The following SLC9A9 variants were observed in gnomAD, a reference collection of about 807,000 sequenced individuals.
SLC9A9 encodes the protein solute carrier family 9 member A9.
In SLC9A9, 62 loss-of-function variants were observed where a neutral mutation model predicts 77.8. That is an observed-to-expected ratio of 0.80 (90% CI 0.65 to 0.98). The LOEUF (loss-of-function observed/expected upper bound fraction) is 0.98, where lower values mean the gene tolerates loss of function less well. Ranked by LOEUF, SLC9A9 falls within the 50% of genes least tolerant of loss-of-function variation. The pLI, the probability that SLC9A9 is intolerant of heterozygous loss-of-function variation, is 0.00. For synonymous variants in SLC9A9, 320 were observed against 283.5 expected, an observed-to-expected ratio of 1.13 and a Z score of -1.29; for missense variants, 775 against 774.9, an observed-to-expected ratio of 1.00 and a Z score of 0.00.
In SLC9A9 at chr3:143,363,690, A is replaced by C. The variant is rs886542204; in HGVS notation, c.1525-127T>G. 4 of 799,524 alleles carry C rather than the reference A, an allele frequency of 5.0e-6. No homozygotes were observed. The East Asian group carries it at 9.0e-5, about 18-fold the overall frequency. The allele number at this position is 799,524 out of a possible 1,614,324, so 49.5% of individuals were successfully genotyped here. On this transcript the variant is annotated intron_variant, in intron 13 of 15. Coordinates refer to ENST00000316549, the MANE Select transcript of SLC9A9 (RefSeq NM_173653.4). ...AACCTTTCTAAGTATAGGCATTTTCATCTAAATGGTGAAGCAGTTTCCAGG... is the reference window on the plus strand; with the variant it reads ...AACCTTTCTAAGTATAGGCATTTTCCTCTAAATGGTGAAGCAGTTTCCAGG...
intron 14 of SLC9A9, among the ~76,000 whole-genome samples, chr3:143,339,546 A>T (rs2032032088): frequency 6.6e-6 from 1 of 152,052 alleles, no homozygotes; most frequent in Non-Finnish European, 1.5e-5. Context: ...CTACACTGGC[A>T]TACTATGTTG....
chr3:143,556,477 C>T (rs770885814), intron 8 of SLC9A9, among the ~76,000 whole-genome samples: 4 of 152,190 alleles, frequency 2.6e-5, no homozygotes, highest in South Asian at 2.1e-4. Flanking sequence ...TTCCTATTTG[C>T]CTGCTCTTCC....
intron 14 of SLC9A9, among the ~76,000 whole-genome samples, chr3:143,360,124 C>T (rs572306797): frequency 9.1e-4 from 138 of 152,240 alleles, no homozygotes; most frequent in Non-Finnish European, 1.7e-3. Context: ...TAGGGTCAGA[C>T]TAATCTGGGC....
intron 9 of SLC9A9, among the ~76,000 whole-genome samples, chr3:143,498,341 G>A (rs2035872369): frequency 6.6e-6 from 1 of 152,124 alleles, no homozygotes; most frequent in Non-Finnish European, 1.5e-5. Context: ...ATTTTTGCAT[G>A]TTTAAAGAAA....
intron 4 of SLC9A9, among the ~76,000 whole-genome samples, chr3:143,738,195 C>T (rs1295715899): frequency 2.0e-5 from 3 of 152,198 alleles, no homozygotes; most frequent in Admixed American, 2.0e-4. Context: ...TCTGCAGTAG[C>T]AGATATGTGG....
At chr3:143,598,839 T>C (rs995714235) in intron 6 of SLC9A9, among the ~76,000 whole-genome samples, 5 of 152,248 alleles carry the variant, frequency 3.3e-5, no homozygotes, top group Non-Finnish European at 5.9e-5. Context: ...TGTGGTCTGG[T>C]AGGCACCAAT....
intron 6 of SLC9A9, among the ~76,000 whole-genome samples, chr3:143,594,892 T>C (rs966850014): frequency 1.3e-5 from 2 of 152,226 alleles, no homozygotes; most frequent in African/African-American, 4.8e-5. Flanking sequence ...GTGGAATGTT[T>C]GGCTTGTTAT....
chr3:143,440,595 T>C (rs994849501), intron 12 of SLC9A9, among the ~76,000 whole-genome samples: 27 of 152,188 alleles, frequency 1.8e-4, no homozygotes, highest in African/African-American at 6.5e-4. Context: ...TTCCACAGGG[T>C]ATCCCACCGG....
intron 1 of SLC9A9, among the ~76,000 whole-genome samples, chr3:143,841,607 T>G (rs2009707902): frequency 6.6e-6 from 1 of 152,214 alleles, no homozygotes; most frequent in African/African-American, 2.4e-5. Flanking sequence ...TTTCTTGATA[T>G]GCACATTCAT....
chr3:143,441,544 T>C (rs373688894), intron 12 of SLC9A9, among the ~76,000 whole-genome samples: 7 of 152,222 alleles, frequency 4.6e-5, no homozygotes, highest in Admixed American at 2.6e-4. Context: ...GTTAAACATA[T>C]GCATCCTTCA....
chr3:143,838,490 C>T (rs2009629245), intron 1 of SLC9A9, among the ~76,000 whole-genome samples: 1 of 151,996 alleles, frequency 6.6e-6, no homozygotes, highest in Non-Finnish European at 1.5e-5. Flanking sequence ...GGCAGATTTG[C>T]TCTGTTTTAG....
intron 14 of SLC9A9, among the ~76,000 whole-genome samples, chr3:143,356,250 T>G (rs190191796): frequency 6.6e-6 from 1 of 152,340 alleles, no homozygotes; most frequent in African/African-American, 2.4e-5. Context: ...ACTATTTAAC[T>G]GTTTTAAATG....
chr3:143,846,553 C>T (rs1299572990), intron 1 of SLC9A9, among the ~76,000 whole-genome samples: 2 of 151,728 alleles, frequency 1.3e-5, no homozygotes, highest in East Asian at 1.9e-4. Context: ...TTCTTGTGCC[C>T]GTTAAGACCC....
At chr3:143,513,442 C>T (rs1011986247) in intron 9 of SLC9A9, among the ~76,000 whole-genome samples, 2 of 152,170 alleles carry the variant, frequency 1.3e-5, no homozygotes, top group African/African-American at 4.8e-5. Context: ...CTATTCCTAC[C>T]ACATTCGAAG....
chr3:143,423,143 A>G (rs1467758933), intron 12 of SLC9A9, among the ~76,000 whole-genome samples: 1 of 152,254 alleles, frequency 6.6e-6, no homozygotes, highest in Non-Finnish European at 1.5e-5. Context: ...AATTGAAGGT[A>G]TTAGAACACA....
At chr3:143,401,104 C>A (rs1035545291) in intron 12 of SLC9A9, among the ~76,000 whole-genome samples, 1 of 152,106 alleles carries the variant, frequency 6.6e-6, no homozygotes, top group Non-Finnish European at 1.5e-5. Context: ...ATTGGGTTAT[C>A]GTGCTCTTTG....
intron 6 of SLC9A9, among the ~76,000 whole-genome samples, chr3:143,595,392 T>C (rs909640668): frequency 4.6e-5 from 7 of 152,232 alleles, no homozygotes; most frequent in African/African-American, 1.7e-4. Flanking sequence ...GGCTACCTTA[T>C]CCAGGGAAAT....
chr3:143,779,307 C>A (rs772710752), intron 4 of SLC9A9, among the ~76,000 whole-genome samples: 2 of 152,140 alleles, frequency 1.3e-5, no homozygotes, highest in Non-Finnish European at 2.9e-5. Context: ...TTCCATTTGA[C>A]AAACATTAAC....
At chr3:143,389,259 A>G (rs2033498087) in intron 12 of SLC9A9, among the ~76,000 whole-genome samples, 1 of 152,132 alleles carries the variant, frequency 6.6e-6, no homozygotes, top group Non-Finnish European at 1.5e-5. Context: ...GTTGGGAGAG[A>G]AAAGAAAAAA....
Sources: gnomAD v4.1 joint callset for allele counts (sites outside exome capture counted in the v4.1 genomes callset) on GRCh38, gnomAD v4.1.1 for gene constraint, MANE v1.5 for transcripts, NCBI Gene and HGNC (gene_info 2026-07-23, HGNC 2026-07-21) for gene names.